DLGAP2: variants seen among roughly 807,000 people sequenced by gnomAD.
DLGAP2 encodes the protein disks large-associated protein 2.
Under a neutral mutation model 100.3 loss-of-function variants are expected in DLGAP2, and 26 were observed. The ratio of observed to expected loss-of-function variants is 0.26; its 90% CI spans 0.19 to 0.36. The LOEUF (loss-of-function observed/expected upper bound fraction) is 0.36. Ranked by LOEUF, DLGAP2 falls within the 10% of genes least tolerant of loss-of-function variation. The pLI, the probability that DLGAP2 is intolerant of heterozygous loss-of-function variation, is 1.00. For synonymous variants in DLGAP2, 886 were observed against 630.1 expected (o/e 1.41, Z -6.08); for missense variants, 1,858 against 1,453.2 (o/e 1.28, Z -4.53).
chr8:881,369 G>A (rs1184442500), intron 1 of DLGAP2, among the ~76,000 whole-genome samples: 1 of 152,042 alleles, frequency 6.6e-6, no homozygotes, highest in African/African-American at 2.4e-5. Context: ...TCTGTAAATA[G>A]AGATTCTTAT....
intron 2 of DLGAP2, among the ~76,000 whole-genome samples, chr8:1,107,007 C>G (rs774135420): frequency 2.2e-4 from 34 of 152,248 alleles, no homozygotes; most frequent in Admixed American, 4.6e-4. Flanking sequence ...GTCTATTAAA[C>G]CGCACCTGTA....
At chr8:1,414,184 T>C (rs375189204) in intron 3 of DLGAP2, among the ~76,000 whole-genome samples, 2 of 152,214 alleles carry the variant, frequency 1.3e-5, no homozygotes, top group Non-Finnish European at 2.9e-5. Context: ...AACTGACTTA[T>C]ATTCGTAAAG....
intron 4 of DLGAP2, among the ~76,000 whole-genome samples, chr8:1,537,792 T>G: frequency 6.8e-6 from 1 of 147,846 alleles, no homozygotes; most frequent in African/African-American, 2.5e-5. Flanking sequence ...GAAGGACAAA[T>G]GGATAAATGG....
intron 2 of DLGAP2, among the ~76,000 whole-genome samples, chr8:963,598 C>G (rs774855171): frequency 1.1e-4 from 16 of 152,184 alleles, no homozygotes; most frequent in Admixed American, 6.5e-5. Context: ...ATTTTATCAT[C>G]TTAATTGGAA....
intron 6 of DLGAP2, chr8:1,604,407 A>T (rs1386165537): frequency 6.6e-6 from 1 of 152,160 alleles, no homozygotes; most frequent in African/African-American, 2.4e-5. Context: ...ATGTTTCTCA[A>T]AGTGTGGTCT....
At chr8:834,015 G>T (rs1011224564) in intron 1 of DLGAP2, among the ~76,000 whole-genome samples, 2 of 152,210 alleles carry the variant, frequency 1.3e-5, no homozygotes, top group Non-Finnish European at 2.9e-5. Context: ...ACACAAAGAG[G>T]CCTGGAGACG....
chr8:1,425,125 A>G (rs561192272), intron 3 of DLGAP2, among the ~76,000 whole-genome samples: 11 of 152,374 alleles, frequency 7.2e-5, no homozygotes, highest in African/African-American at 2.2e-4. Context: ...TTTTAAAATT[A>G]TATTTCAGCA....
rs137984047 is a variant in DLGAP2, at chr8:1,386,111, C to G, written c.107-115255C>G. 1.4e-4 allele frequency among the ~76,000 whole-genome samples: 21 copies of G among 152,234 alleles called. No individual in the cohort carries two copies. In the East Asian group the frequency reaches 2.3e-3, roughly 17 times the overall value. On this transcript the variant is annotated intron_variant, in intron 3 of 14. Transcript: ENST00000637795. ...AATCTCCCAGAAAACAGGAAAATGA[C>G]AAAATAATGGAAAATAAGAGTAAAA...
chr8:963,245 C>T lies in DLGAP2; in HGVS notation c.73+55279C>T, dbSNP rs376883547. ...ATGTAGCTTCGCCACCCCACGACCC[C>T]ATTTGGAAACAGTGTTTGAAAATGA... is the stretch of plus-strand genomic sequence containing the variant. On this transcript the variant is annotated intron_variant, in intron 2 of 14. Transcript: ENST00000637795. Among the ~76,000 whole-genome samples the T allele has an allele frequency of 1.9e-4, 28 of 148,926 alleles. No homozygotes were observed. The Middle Eastern group carries it at 0.01, about 55-fold the overall frequency.
intron 3 of DLGAP2, among the ~76,000 whole-genome samples, chr8:1,305,553 C>T (rs1459695453): frequency 1.3e-5 from 2 of 152,124 alleles, no homozygotes; most frequent in East Asian, 3.8e-4. Context: ...CTCATCTGTG[C>T]TTCACCCAAA....
intron 5 of DLGAP2, among the ~76,000 whole-genome samples, chr8:1,562,575 T>G (rs867360533): frequency 4.2e-4 from 11 of 26,382 alleles, no homozygotes; most frequent in South Asian, 2.7e-3. Flanking sequence ...TCGTTGCTGG[T>G]GGACTGTGTG....
intron 4 of DLGAP2, among the ~76,000 whole-genome samples, chr8:1,529,983 C>T (rs1385702647): frequency 6.6e-6 from 1 of 152,192 alleles, no homozygotes; most frequent in South Asian, 2.1e-4. Context: ...TAGAATACCA[C>T]AAGGCAAGTG....
chr8:1,424,400 G>C (rs1797183161), intron 3 of DLGAP2, among the ~76,000 whole-genome samples: 1 of 152,254 alleles, frequency 6.6e-6, no homozygotes, highest in East Asian at 1.9e-4. Context: ...TACTGATATT[G>C]GCATATGGGG....
intron 14 of DLGAP2, among the ~76,000 whole-genome samples, chr8:1,697,914 T>C (rs1799446234): frequency 6.6e-6 from 1 of 152,216 alleles, no homozygotes; most frequent in African/African-American, 2.4e-5. Flanking sequence ...AACTAGTAGA[T>C]AGTTCTGAGT....
chr8:1,523,947 A>C (rs1306817406), intron 4 of DLGAP2, among the ~76,000 whole-genome samples: 1 of 152,192 alleles, frequency 6.6e-6, no homozygotes, highest in African/African-American at 2.4e-5. Flanking sequence ...CTGTGGGGAA[A>C]ACAAACATCT....
intron 2 of DLGAP2, among the ~76,000 whole-genome samples, chr8:979,097 A>T (rs1485368786): frequency 6.6e-6 from 1 of 151,892 alleles, no homozygotes; most frequent in Non-Finnish European, 1.5e-5. Flanking sequence ...AGAATTCTAA[A>T]TTGGGGGTGG....
At chr8:1,450,691 A>G (rs910640344) in intron 3 of DLGAP2, among the ~76,000 whole-genome samples, 2 of 151,924 alleles carry the variant, frequency 1.3e-5, no homozygotes, top group African/African-American at 2.4e-5. Flanking sequence ...TAAATGGCCT[A>G]TGTCCCCAGG....
At chr8:1,359,946 C>A (rs903617396) in intron 3 of DLGAP2, among the ~76,000 whole-genome samples, 1 of 152,188 alleles carries the variant, frequency 6.6e-6, no homozygotes, top group Non-Finnish European at 1.5e-5. Flanking sequence ...CAGGACCGTC[C>A]TGAGTTCGTG....
chr8:802,457 G>A (rs1235854900), intron 1 of DLGAP2, among the ~76,000 whole-genome samples: 1 of 152,210 alleles, frequency 6.6e-6, no homozygotes, highest in Non-Finnish European at 1.5e-5. Context: ...AGCGGGTCCC[G>A]CATTGGGGTC....
Sources: gnomAD v4.1 joint callset for allele counts (sites outside exome capture counted in the v4.1 genomes callset) on GRCh38, gnomAD v4.1.1 for gene constraint, MANE v1.5 for transcripts, NCBI Gene and HGNC (gene_info 2026-07-23, HGNC 2026-07-21) for gene names.